Variants in ROCK1 observed in about 807,000 individuals in gnomAD.
ROCK1 encodes the protein Rho associated coiled-coil containing protein kinase 1, also known as rho-associated protein kinase 1.
In ROCK1, 36 loss-of-function variants were observed where a neutral mutation model predicts 196.8. That is an observed-to-expected ratio of 0.18 (90% confidence interval 0.14 to 0.24). The LOEUF is 0.24. ROCK1 is among the 10% of genes least tolerant of loss of function. The pLI, the probability that ROCK1 is intolerant of heterozygous loss-of-function variation, is 1.00. For missense variants in ROCK1, 920 were observed against 1,562.0 expected (o/e 0.59, Z 6.93); for synonymous variants, 443 against 515.9 (o/e 0.86, Z 1.91).
intron 21 of ROCK1, among the ~76,000 whole-genome samples, chr18:20,982,170 C>T (rs1416107624): frequency 6.6e-5 from 10 of 152,310 alleles, no homozygotes; most frequent in South Asian, 6.2e-4. Flanking sequence ...GGGATGCTAC[C>T]GATCACTTTG....
chr18:21,086,008 A>T (rs2036523491), intron 1 of ROCK1, among the ~76,000 whole-genome samples: 1 of 152,062 alleles, frequency 6.6e-6, no homozygotes, highest in Non-Finnish European at 1.5e-5. Flanking sequence ...GGGGAGAGAG[A>T]GTTTGTCATT....
chr18:21,079,340 C>A (rs1396145993), intron 1 of ROCK1, among the ~76,000 whole-genome samples: 1 of 152,158 alleles, frequency 6.6e-6, no homozygotes, highest in Non-Finnish European at 1.5e-5. Context: ...GCGGAACTGT[C>A]TGCTTTTCAG....
chr18:21,110,502 T>C (rs1199641253), intron 1 of ROCK1, among the ~76,000 whole-genome samples: 1 of 152,204 alleles, frequency 6.6e-6, no homozygotes, highest in Non-Finnish European at 1.5e-5. Flanking sequence ...TTCAACAAAC[T>C]GTATACATTG....
chr18:21,045,778 C>G (rs1196756488), intron 4 of ROCK1, among the ~76,000 whole-genome samples: 4 of 151,806 alleles, frequency 2.6e-5, no homozygotes, highest in Admixed American at 1.3e-4. Context: ...TACAAATCTC[C>G]TAGGCAAAGA....
intron 9 of ROCK1, among the ~76,000 whole-genome samples, chr18:21,030,548 A>C (rs2035997130): frequency 6.6e-6 from 1 of 152,168 alleles, no homozygotes; most frequent in Non-Finnish European, 1.5e-5. Flanking sequence ...TTTATAAATG[A>C]CACTATTTCA....
At chr18:20,959,087 TTATATAATATATATATTATATA>T (rs1568367379) in intron 29 of ROCK1, among the ~76,000 whole-genome samples, 4 of 30,298 alleles carry the variant, frequency 1.3e-4, no homozygotes, top group South Asian at 9.2e-4. Flanking sequence ...TATATATATT[TTATATAATATATATATTATATA>T]TATATTATAT....
intron 1 of ROCK1, among the ~76,000 whole-genome samples, chr18:21,109,515 T>C (rs2036731363): frequency 6.6e-6 from 1 of 152,238 alleles, no homozygotes; most frequent in Admixed American, 6.5e-5. Context: ...TCCTTCCACT[T>C]ATCTCGTTTA....
intron 14 of ROCK1, 105 bp downstream of exon 14, chr18:21,007,954 G>A: frequency 1.4e-6 from 1 of 699,678 alleles, no homozygotes; most frequent in Non-Finnish European, 2.1e-6. Flanking sequence ...CTTATAAAGT[G>A]TCTTAGGATT....
intron 1 of ROCK1, among the ~76,000 whole-genome samples, chr18:21,091,395 G>C (rs1408664947): frequency 6.6e-6 from 1 of 151,936 alleles, no homozygotes; most frequent in Non-Finnish European, 1.5e-5. Flanking sequence ...ACGAGGTCAG[G>C]AGTTCAAGAC....
chr18:21,003,372 C>T (rs749166829), intron 16 of ROCK1, among the ~76,000 whole-genome samples: 41 of 152,196 alleles, frequency 2.7e-4, no homozygotes, highest in Non-Finnish European at 4.3e-4. Context: ...GATCCAAATT[C>T]AAGCAAAATA....
intron 9 of ROCK1, among the ~76,000 whole-genome samples, chr18:21,036,828 C>T (rs1442305112): frequency 6.6e-6 from 1 of 151,798 alleles, no homozygotes; most frequent in Non-Finnish European, 1.5e-5. Flanking sequence ...AAATCCTTTG[C>T]CATTTATTTC....
chr18:20,991,458 A>G, intron 17 of ROCK1, 132 bp from the exon 18 acceptor site: 1 of 629,182 alleles, frequency 1.6e-6, no homozygotes, highest in African/African-American at 1.9e-5. Flanking sequence ...TATAATTAAA[A>G]GCAAAAGATA....
intron 5 of ROCK1, chr18:21,044,899 TCAC>T (rs2036141687): frequency 6.3e-6 from 1 of 158,860 alleles, no homozygotes; most frequent in African/African-American, 2.4e-5. Flanking sequence ...TCTCACTCTG[TCAC>T]CCAGTCTGAA....
chr18:21,043,538 TTTATG>T (rs1356348234), intron 6 of ROCK1, among the ~76,000 whole-genome samples: 2 of 145,188 alleles, frequency 1.4e-5, no homozygotes, highest in Admixed American at 6.9e-5. Flanking sequence ...AACATATTTA[TTTATG>T]TTATTTATTA....
At chr18:20,996,001 A>G (rs879908630) in intron 16 of ROCK1, among the ~76,000 whole-genome samples, 1 of 152,198 alleles carries the variant, frequency 6.6e-6, no homozygotes, top group Non-Finnish European at 1.5e-5. Flanking sequence ...TTCAATGCCC[A>G]GACACCAACA....
intron 22 of ROCK1, among the ~76,000 whole-genome samples, chr18:20,978,576 T>TA (rs2035501616): frequency 6.6e-6 from 1 of 152,228 alleles, no homozygotes; most frequent in South Asian, 2.1e-4. Flanking sequence ...TACATGTGGC[T>TA]ACTGGCCACC....
At chr18:21,074,650 C>T (rs2036414102) in intron 1 of ROCK1, among the ~76,000 whole-genome samples, 1 of 152,176 alleles carries the variant, frequency 6.6e-6, no homozygotes, top group Admixed American at 6.5e-5. Context: ...ACATAACCTC[C>T]TTTGTGCTAT....
At chr18:21,095,834 C>G (rs1243396142) in intron 1 of ROCK1, among the ~76,000 whole-genome samples, 1 of 151,602 alleles carries the variant, frequency 6.6e-6, no homozygotes, top group East Asian at 1.9e-4. Flanking sequence ...TTTTAAATAA[C>G]TAATGGAGAA....
intron 1 of ROCK1, among the ~76,000 whole-genome samples, chr18:21,072,056 G>A (rs1218188586): frequency 2.6e-5 from 4 of 152,168 alleles, no homozygotes; most frequent in African/African-American, 7.2e-5. Context: ...TTTTAGTCAC[G>A]TGGTCATAAA....
Sources: allele counts gnomAD v4.1 joint callset (sites outside exome capture counted in the v4.1 genomes callset), GRCh38; gene constraint gnomAD v4.1.1; transcripts MANE v1.5; gene names NCBI Gene and HGNC (gene_info 2026-07-23, HGNC 2026-07-21).